The following FLVCR1 variants were observed in gnomAD, a reference collection of about 807,000 sequenced individuals.
The protein encoded by FLVCR1 is FLVCR choline and heme transporter 1.
A neutral mutation model predicts 53.6 loss-of-function variants in FLVCR1; 34 were observed. The observed-to-expected ratio is 0.63, with a 90% CI of 0.48 to 0.84. The LOEUF is 0.84. Ranked by LOEUF, FLVCR1 falls within the 40% of genes least tolerant of loss-of-function variation. The pLI is 0.00. For missense variants in FLVCR1, 677 were observed against 696.7 expected (o/e 0.97, Z 0.32); for synonymous variants, 300 against 286.3 (o/e 1.05, Z -0.48).
intron 2 of FLVCR1, among the ~76,000 whole-genome samples, chr1:212,871,805 C>G (rs1664604703): frequency 6.6e-6 from 1 of 152,148 alleles, no homozygotes; most frequent in Non-Finnish European, 1.5e-5. Context: ...TGTTGTCTGC[C>G]TGGGGTGGCT....
Position 212,858,348 on chromosome 1 carries a change from C to T in FLVCR1, c.-105C>T, listed in dbSNP as rs937590890. ...CGCCACCGGGGAAGGAGCGGTGGGC[C>T]GAGGGGTTGGAGGTGGGGCCCCAGG... On this transcript the variant is annotated 5_prime_UTR_variant, in exon 1 of 10. Transcript: ENST00000366971. 2.0e-5 allele frequency: 22 copies of T among 1,106,770 alleles called. No individual in the cohort carries two copies. The highest frequency in any genetic ancestry group is 2.6e-5 in the Non-Finnish European group (21 of 813,490). The allele number at this position is 1,106,770 out of a possible 1,614,324, so 68.6% of individuals were successfully genotyped here.
intron 2 of FLVCR1, chr1:212,864,401 A>G (rs559236917): frequency 4.3e-5 from 7 of 162,594 alleles, no homozygotes; most frequent in Middle Eastern, 3.2e-3. Context: ...AGGCCACTCC[A>G]GCAAAGCACG....
At chr1:212,859,433 CT>C (rs2102528376) in intron 1 of FLVCR1, among the ~76,000 whole-genome samples, 1 of 152,200 alleles carries the variant, frequency 6.6e-6, no homozygotes, top group African/African-American at 2.4e-5. Flanking sequence ...AAATAATTAA[CT>C]GGGCCGGGCG....
intron 1 of FLVCR1, among the ~76,000 whole-genome samples, chr1:212,862,210 C>T (rs1289513843): frequency 6.6e-6 from 1 of 152,114 alleles, no homozygotes; most frequent in African/African-American, 2.4e-5. Flanking sequence ...TTAATGTGTA[C>T]AATTCAGTGG....
intron 1 of FLVCR1, among the ~76,000 whole-genome samples, chr1:212,861,425 ACT>A (rs1156875652): frequency 6.6e-6 from 1 of 151,928 alleles, no homozygotes; most frequent in Non-Finnish European, 1.5e-5. Context: ...CCCCCAAAGT[ACT>A]CTCTTAGCTA....
At chr1:212,877,119 C>T (rs1342409766) in intron 3 of FLVCR1, among the ~76,000 whole-genome samples, 2 of 142,806 alleles carry the variant, frequency 1.4e-5, no homozygotes, top group African/African-American at 2.6e-5. Context: ...TGTTTCTTGG[C>T]CACATAAATG....
chr1:212,864,282 C>A (rs963327), intron 2 of FLVCR1: 188,594 of 259,640 alleles, frequency 0.73, 70,211 homozygotes, highest in East Asian at 1. Flanking sequence ...TCTCCCAAGG[C>A]TTTCCAATTT....
At position 212,872,932 on chromosome 1, in the gene FLVCR1, C is replaced by T. The variant is rs576904792; in HGVS notation, c.1024+114C>T. On this transcript the variant is annotated intron_variant, in intron 3 of 9. Transcript: ENST00000366971. ...CAATGAGATTGGCCTGTTAACTCTACAGCATAATCATGAACTTAAACTAAA... is the reference window on the plus strand; with the variant it reads ...CAATGAGATTGGCCTGTTAACTCTATAGCATAATCATGAACTTAAACTAAA... 5 of 1,017,150 alleles carry T rather than the reference C, an allele frequency of 4.9e-6. No individual in the cohort carries two copies. In the East Asian group the frequency reaches 1.2e-4, roughly 25 times the overall value. 63.0% of individuals were successfully genotyped at this position (1,017,150 alleles called of 1,614,324 possible). A position where few individuals can be genotyped will look rare whatever the true frequency, so the allele number is the denominator to read the frequency against.
At chr1:212,859,259 C>G (rs1190631182) in intron 1 of FLVCR1, 69 bp downstream of exon 1, 1 of 1,607,624 alleles carries the variant, frequency 6.2e-7, no homozygotes, top group East Asian at 2.2e-5. Context: ...GCCGTGAGAA[C>G]TATGGCCTGT....
intron 2 of FLVCR1, among the ~76,000 whole-genome samples, chr1:212,866,714 C>T (rs1038321514): frequency 6.6e-6 from 1 of 152,086 alleles, no homozygotes; most frequent in Non-Finnish European, 1.5e-5. Flanking sequence ...ATGTACTTAA[C>T]TAATTATGTA....
In FLVCR1 at chr1:212,858,764, C is replaced by G. The variant is rs1169047994; in HGVS notation, c.312C>G (p.Ser104=). ...GCCCGCTGCCCCTTACGGCGCTCTC[C>G]CCGCGGCGCTTCGTGGTGCTCCTGA... ...ESSPLPLTAL[S]PRRFVVLLIF... is the part of the protein sequence containing the mutation. Residue 104 remains serine, a synonymous_variant, in exon 1 of 10, where the codon TCC becomes TCG. Coordinates refer to ENST00000366971, the MANE Select transcript of FLVCR1 (RefSeq NM_014053.4). 1 of 1,613,894 alleles carries G rather than the reference C, an allele frequency of 6.2e-7. No individual in the cohort carries two copies. The highest frequency in any genetic ancestry group is 8.5e-7 in the Non-Finnish European group (1 of 1,179,970).
rs868140109 is a variant in FLVCR1 at position 212,893,768 on chromosome 1, G to T, written c.1526-1218G>T. On this transcript the variant is annotated intron_variant, in intron 8 of 9. Transcript: ENST00000366971. ...CATTAGCATTTTTTAGCAGTAAAGT[G>T]TTTTTTGTTTTGTTTTGTTTTTTTG... 3.9e-5 allele frequency among the ~76,000 whole-genome samples: 6 copies of T among 152,120 alleles called. No individual in the cohort carries two copies. The South Asian group carries it at 6.2e-4, about 16-fold the overall frequency.
chr1:212,873,039 G>C lies in FLVCR1; in HGVS notation c.1024+221G>C, dbSNP rs573470985. 6.6e-5 allele frequency among the ~76,000 whole-genome samples: 10 copies of C among 152,258 alleles called. No individual in the cohort carries two copies. The South Asian group carries it at 1.9e-3, about 28-fold the overall frequency. Reference sequence around the variant, plus strand: ...AGGTAGTTTTTGGCCAGGCATGATGGCTCATGCTGGTAATCCCAGCACTTG... The same window carrying C: ...AGGTAGTTTTTGGCCAGGCATGATGCCTCATGCTGGTAATCCCAGCACTTG... On this transcript the variant is annotated intron_variant, in intron 3 of 9. Coordinates refer to ENST00000366971, the MANE Select transcript of FLVCR1 (RefSeq NM_014053.4).
intron 3 of FLVCR1, among the ~76,000 whole-genome samples, chr1:212,875,610 A>G (rs11120053): frequency 0.46 from 70,408 of 151,966 alleles, 17,556 homozygotes; most frequent in East Asian, 0.56. Context: ...TGGGAGGCCA[A>G]GGTGGGTGGA....
chr1:212,872,894 G>C (rs1890932), intron 3 of FLVCR1, 76 bp downstream of exon 3: 10 of 1,537,296 alleles, frequency 6.5e-6, no homozygotes, highest in Non-Finnish European at 9.0e-6. Context: ...ATTTAACCTA[G>C]TGGTTTGAAC....
intron 3 of FLVCR1, among the ~76,000 whole-genome samples, chr1:212,876,523 G>A (rs1468678388): frequency 6.6e-6 from 1 of 151,982 alleles, no homozygotes; most frequent in African/African-American, 2.4e-5. Context: ...GTGCCAACAC[G>A]TCCAGCTAAT....
intron 2 of FLVCR1, 33 bp downstream of exon 2, chr1:212,863,902 A>G (rs2252377): frequency 0.063 from 98,917 of 1,571,976 alleles, 4,579 homozygotes; most frequent in African/African-American, 0.24. Context: ...AGCTTAAATG[A>G]ATGCATGATA....
chr1:212,868,745 G>T (rs766766755), intron 2 of FLVCR1, among the ~76,000 whole-genome samples: 1 of 152,126 alleles, frequency 6.6e-6, no homozygotes, highest in Non-Finnish European at 1.5e-5. Context: ...ATTTAACTTA[G>T]TCTGTAAGAA....
intron 7 of FLVCR1, 82 bp downstream of exon 7, chr1:212,888,676 T>TTGA (rs2102569619): frequency 1.1e-6 from 1 of 906,412 alleles, no homozygotes; most frequent in South Asian, 1.4e-5. Context: ...ATGGTTTTAT[T>TTGA]TGTTGTTGTT....
Sources: allele counts gnomAD v4.1 joint callset (sites outside exome capture counted in the v4.1 genomes callset), GRCh38; gene constraint gnomAD v4.1.1; transcripts MANE v1.5; gene names NCBI Gene and HGNC (gene_info 2026-07-23, HGNC 2026-07-21).